The following FBF1 variants were observed in gnomAD, a reference collection of about 807,000 sequenced individuals.
FBF1 encodes Fas binding factor 1, also known as fas-binding factor 1.
In FBF1, 119 loss-of-function variants were observed where a neutral mutation model predicts 147.2. That is an observed-to-expected ratio of 0.81 (90% CI 0.70 to 0.94). FBF1 has a LOEUF of 0.94. Ranked by LOEUF, FBF1 falls within the 40% of genes least tolerant of loss-of-function variation. The pLI, the probability that FBF1 is intolerant of heterozygous loss-of-function variation, is 0.00. For synonymous variants in FBF1, 601 were observed against 609.0 expected (o/e 0.99, Z 0.19); for missense variants, 1,449 against 1,500.8 (o/e 0.97, Z 0.57).
Position 75,925,961 on chromosome 17 carries a change from A to G in FBF1, c.868+69T>C. On this transcript the variant is annotated intron_variant, in intron 12 of 29. Transcript: ENST00000636174. This position sits in a 1 kb window ranked among gnomAD's most constrained non-coding sequence, Gnocchi z 5.0. Reference sequence around the variant, plus strand: ...GGATGTGAGGCTGATTTCTCATTATAGGTTGTGATGAAAGCCTGATCTAGA... The same window carrying G: ...GGATGTGAGGCTGATTTCTCATTATGGGTTGTGATGAAAGCCTGATCTAGA... 6.6e-7 allele frequency: 1 copy of G among 1,510,854 alleles called. No homozygotes were observed. Among genetic ancestry groups the G allele is most frequent in the African/African-American group, 1.4e-5 (1 of 72,142 alleles). 93.6% of individuals were successfully genotyped at this position (1,510,854 alleles called of 1,614,324 possible). A position where few individuals can be genotyped will look rare whatever the true frequency, so the allele number is the denominator to read the frequency against.
At position 75,919,556 on chromosome 17, in the gene FBF1, C is replaced by T. The variant is rs1197321146; in HGVS notation, c.2138+112G>A. 3.2e-6 allele frequency: 4 copies of T among 1,253,174 alleles called. No individual in the cohort carries two copies. The highest frequency in any genetic ancestry group is 2.9e-5 in the South Asian group (2 of 70,012). 77.6% of individuals were successfully genotyped at this position (1,253,174 alleles called of 1,614,324 possible). A position where few individuals can be genotyped will look rare whatever the true frequency, so the allele number is the denominator to read the frequency against. On this transcript the variant is annotated intron_variant, in intron 20 of 29. Coordinates refer to ENST00000636174, the MANE Select transcript of FBF1 (RefSeq NM_001319193.2). The surrounding 1 kb of genome is among the most constrained non-coding windows in gnomAD (Gnocchi z 5.0). ...CACTCACTGGACTGGGAGGGAAGGA[C>T]CCAACCCCTGTCCAAAGGCTGCTGA... is the stretch of plus-strand genomic sequence containing the variant.
chr17:75,910,311 TG>T lies in FBF1; in HGVS notation c.*411del, dbSNP rs1189740576. On this transcript the variant is annotated 3_prime_UTR_variant, in exon 30 of 30. Coordinates refer to ENST00000636174, the MANE Select transcript of FBF1 (RefSeq NM_001319193.2). The surrounding 1 kb of genome is among the most constrained non-coding windows in gnomAD (Gnocchi z 4.1). The stretch of plus-strand genomic sequence containing the variant: ...GGCAGGGAGTAGGGAAGGCTGTTTG[TG>T]GCATCCCTCAAGAAAGCTCCTGCCT... 3.2e-6 allele frequency: 1 copy of T among 316,906 alleles called. No individual in the cohort carries two copies. Among genetic ancestry groups the T allele is most frequent in the Non-Finnish European group, 6.1e-6 (1 of 162,740 alleles). The allele number at this position is 316,906 out of a possible 1,614,324, so 19.6% of individuals were successfully genotyped here.
rs2065497678 is a variant in FBF1 at position 75,917,794 on chromosome 17, G to A, written c.2443C>T (p.Gln815Ter). The A allele has an allele frequency of 5.0e-6, 8 of 1,610,578 alleles. No homozygotes were observed. Among genetic ancestry groups the A allele is most frequent in the Admixed American group, 1.7e-5 (1 of 59,738 alleles). ...TCCATCTTCCCGATGACCTCCTGTT[G>A]CCGGCTCCGCTCCTCCTCCATGTCC... ...QRDMEEERSR[Q>*]QEVIGKMEAR... Residue 815 changes from glutamine (Q) to a stop codon, truncating the protein, a stop_gained, in exon 23 of 30, where the codon CAA (glutamine) becomes TAA (stop). Coordinates refer to ENST00000636174, the MANE Select transcript of FBF1 (RefSeq NM_001319193.2). LOFTEE classifies it high-confidence loss of function.
intron 28 of FBF1, among the ~76,000 whole-genome samples, chr17:75,912,988 C>T (rs192161749): frequency 1.3e-5 from 2 of 151,466 alleles, no homozygotes; most frequent in East Asian, 2.0e-4. Flanking sequence ...TGCACTAAGC[C>T]GAGATCATGC....
intron 17 of FBF1, among the ~76,000 whole-genome samples, chr17:75,920,835 G>C (rs1049964085): frequency 8.6e-5 from 13 of 150,808 alleles, no homozygotes; most frequent in South Asian, 2.1e-4. Context: ...ACTCCTGGGG[G>C]GGGGGGGGGC....
Position 75,917,604 on chromosome 17 carries a change from G to C in FBF1, c.2505+128C>G, listed in dbSNP as rs1598153339. 3 of 826,428 alleles carry C rather than the reference G, an allele frequency of 3.6e-6. No individual in the cohort carries two copies. In the East Asian group the frequency reaches 8.1e-5, roughly 22 times the overall value. The allele number at this position is 826,428 out of a possible 1,614,324, so 51.2% of individuals were successfully genotyped here. A position where few individuals can be genotyped will look rare whatever the true frequency, so the allele number is the denominator to read the frequency against. On this transcript the variant is annotated intron_variant, in intron 23 of 29. Coordinates refer to ENST00000636174, the MANE Select transcript of FBF1 (RefSeq NM_001319193.2). ...GCCAGGGCAGGGAGATGTAGAGGCA[G>C]GAAGCGGCAGGTGGGGCCTTGACCT...
At position 75,927,518 on chromosome 17, in the gene FBF1, TG is replaced by T; in HGVS notation, c.411del (p.Thr138ProfsTer27). 6.2e-7 allele frequency: 1 copy of T among 1,602,954 alleles called. No individual in the cohort carries two copies. The highest frequency in any genetic ancestry group is 1.7e-5 in the Admixed American group (1 of 58,380). ...NHPKPAGGAI[P>X]TKKSLPSPSS... ...CTGGGAGACGGAAGTGACTTCTTGG[TG>T]GGAATGGCACCCCCTGCAGGAAGCA... On this transcript the variant is annotated frameshift_variant, in exon 9 of 30. Transcript: ENST00000636174. LOFTEE classifies it high-confidence loss of function.
At chr17:75,940,740 A>C (rs1232547434) in intron 1 of FBF1, 108 bp downstream of exon 1, 1 of 153,856 alleles carries the variant, frequency 6.5e-6, no homozygotes, top group Non-Finnish European at 1.5e-5. Flanking sequence ...ACATGTATTC[A>C]GCCGACTCCA....
intron 1 of FBF1, among the ~76,000 whole-genome samples, chr17:75,939,568 A>T (rs765179318): frequency 3.3e-4 from 50 of 150,718 alleles, no homozygotes; most frequent in Middle Eastern, 3.4e-3. Context: ...TCTTTTTAAA[A>T]TTTTTTTTTT....
At position 75,920,122 on chromosome 17, in the gene FBF1, G is replaced by A; in HGVS notation, c.1831-15C>T. The A allele has an allele frequency of 6.3e-7, 1 of 1,581,224 alleles. No individual in the cohort carries two copies. The highest frequency in any genetic ancestry group is 1.3e-5 in the African/African-American group (1 of 74,140). On this transcript the variant is annotated splice_polypyrimidine_tract_variant and intron_variant, in intron 18 of 29. Transcript: ENST00000636174. ...AGCTTCCGCACCTGGGAGACAGCAG[G>A]AGGGCCAGCAACCAGGGAGGGGAGG...
Position 75,925,226 on chromosome 17 carries a change from C to T in FBF1, c.968+121G>A. 1 of 693,148 alleles carries T rather than the reference C, an allele frequency of 1.4e-6. No homozygotes were observed. The highest frequency in any genetic ancestry group is 2.8e-5 in the East Asian group (1 of 36,052). The allele number at this position is 693,148 out of a possible 1,614,324, so 42.9% of individuals were successfully genotyped here. On this transcript the variant is annotated intron_variant, in intron 13 of 29. Coordinates refer to ENST00000636174, the MANE Select transcript of FBF1 (RefSeq NM_001319193.2). This position sits in a 1 kb window ranked among gnomAD's most constrained non-coding sequence, Gnocchi z 5.0. ...CCTTCAGCACCTGCAGAGCTGAGGG[C>T]CTTGTACCCTGTGGCCTCCCACATG...
chr17:75,911,425 T>C (rs1483963624), intron 29 of FBF1, among the ~76,000 whole-genome samples: 1 of 152,226 alleles, frequency 6.6e-6, no homozygotes, highest in Non-Finnish European at 1.5e-5. Context: ...AACACACCTG[T>C]AGCCTCGACC....
At chr17:75,940,365 A>C (rs987126186) in intron 1 of FBF1, among the ~76,000 whole-genome samples, 8 of 149,638 alleles carry the variant, frequency 5.3e-5, no homozygotes, top group African/African-American at 2.0e-4. Context: ...CGATCCTCCA[A>C]TGTCAGCCTC....
Position 75,922,175 on chromosome 17 carries a change from C to A in FBF1, c.1425-129G>T. On this transcript the variant is annotated intron_variant, in intron 14 of 29. Transcript: ENST00000636174. This position sits in a 1 kb window ranked among gnomAD's most constrained non-coding sequence, Gnocchi z 5.0. ...CTTCCTCCTGCTTCCACCATCCCGT[C>A]TTGGGGCATTCTCCTCCCACGTCTG... The A allele has an allele frequency of 1.4e-6, 1 of 718,400 alleles. No individual in the cohort carries two copies. The allele number at this position is 718,400 out of a possible 1,614,324, so 44.5% of individuals were successfully genotyped here.
At chr17:75,921,724 G>C (rs2065528485) in intron 15 of FBF1, among the ~76,000 whole-genome samples, 164 bp from the exon 16 acceptor site, 2 of 149,064 alleles carry the variant, frequency 1.3e-5, no homozygotes, top group South Asian at 4.3e-4. Context: ...TGGGACACGG[G>C]GACGGGGCAG....
At position 75,919,568 on chromosome 17, in the gene FBF1, C is replaced by T. The variant is rs1474660878; in HGVS notation, c.2138+100G>A. On this transcript the variant is annotated intron_variant, in intron 20 of 29. Coordinates refer to ENST00000636174, the MANE Select transcript of FBF1 (RefSeq NM_001319193.2). The surrounding 1 kb of genome is among the most constrained non-coding windows in gnomAD (Gnocchi z 5.0). Reference sequence around the variant, plus strand: ...TGGGAGGGAAGGACCCAACCCCTGTCCAAAGGCTGCTGAGCCACAGCGAAG... The same window carrying T: ...TGGGAGGGAAGGACCCAACCCCTGTTCAAAGGCTGCTGAGCCACAGCGAAG... 1 of 1,374,726 alleles carries T rather than the reference C, an allele frequency of 7.3e-7. No individual in the cohort carries two copies. The highest frequency in any genetic ancestry group is 9.9e-7 in the Non-Finnish European group (1 of 1,013,256). The allele number at this position is 1,374,726 out of a possible 1,614,324, so 85.2% of individuals were successfully genotyped here. A position where few individuals can be genotyped will look rare whatever the true frequency, so the allele number is the denominator to read the frequency against.
At chr17:75,929,938 T>G in intron 7 of FBF1, 59 bp downstream of exon 7, 1 of 807,552 alleles carries the variant, frequency 1.2e-6, no homozygotes, top group Non-Finnish European at 2.1e-6. Context: ...TGGTACAAAA[T>G]ATCATGACCC....
chr17:75,912,263 G>A lies in FBF1; in HGVS notation c.3292C>T (p.Pro1098Ser), dbSNP rs374907831. 1.9e-6 allele frequency: 3 copies of A among 1,610,208 alleles called. No individual in the cohort carries two copies. Among genetic ancestry groups the A allele is most frequent in the African/African-American group, 1.3e-5 (1 of 74,882 alleles). ...AAGGGGCTGGGGTCCAGGCCAGTTGGCGGCTGGCTGCACCAACGGGTGGTG... is the reference window on the plus strand; with the variant it reads ...AAGGGGCTGGGGTCCAGGCCAGTTGACGGCTGGCTGCACCAACGGGTGGTG... ...APTTRWCSQPPTGLDPSPLHL... is the reference protein window; with the variant it reads ...APTTRWCSQPSTGLDPSPLHL... Residue 1098 changes from proline (P) to serine (S), a missense_variant, in exon 29 of 30, where the codon CCA (proline) becomes TCA (serine). Physicochemically the swap from Pro to Ser is moderately conservative, Grantham distance 74. Coordinates refer to ENST00000636174, the MANE Select transcript of FBF1 (RefSeq NM_001319193.2).
At position 75,913,706 on chromosome 17, in the gene FBF1, C is replaced by G; in HGVS notation, c.3243G>C (p.Gln1081His). 1 of 1,593,482 alleles carries G rather than the reference C, an allele frequency of 6.3e-7. No individual in the cohort carries two copies. Among genetic ancestry groups the G allele is most frequent in the Non-Finnish European group, 8.5e-7 (1 of 1,177,104 alleles). ...PRAQGPAASSQSALMPPAPTT... is the reference protein window; with the variant it reads ...PRAQGPAASSHSALMPPAPTT... ...CTTCCTTCTGGAGCCACTCACCACT[C>G]TGGCTGGAGGCTGCAGGGCCCTGGG... The change falls in exon 28 of 30, where the codon CAG (glutamine) becomes CAC (histidine). Residue 1081 changes from glutamine (Q) to histidine (H), a missense_variant. Transcript: ENST00000636174.
Sources: gnomAD v4.1 joint callset for allele counts (sites outside exome capture counted in the v4.1 genomes callset) on GRCh38, gnomAD v4.1.1 for gene constraint, Gnocchi (gnomAD v3.1) non-coding constraint, MANE v1.5 for transcripts, NCBI Gene and HGNC (gene_info 2026-07-23, HGNC 2026-07-21) for gene names.